The following SATB2 variants were observed in gnomAD, a reference collection of about 807,000 sequenced individuals.
SATB2 encodes the protein SATB homeobox 2.
Under a neutral mutation model 73.4 loss-of-function variants are expected in SATB2, and 1 was observed. The ratio of observed to expected loss-of-function variants is 0.01; its 90% confidence interval spans 0.00 to 0.06. SATB2 has a LOEUF of 0.06. Among genes scored for constraint, SATB2 ranks in the 10% least tolerant of loss-of-function variants. The probability of loss-of-function intolerance (pLI) is 1.00; values close to 1 mark genes in which losing one functional copy is unlikely to be tolerated. For missense variants in SATB2, 459 were observed against 945.8 expected, an observed-to-expected ratio of 0.49 and a Z score of 6.75; for synonymous variants, 397 against 367.0, an observed-to-expected ratio of 1.08 and a Z score of -0.93.
intron 6 of SATB2, among the ~76,000 whole-genome samples, chr2:199,366,435 T>C (rs550417788): frequency 1.3e-5 from 2 of 152,160 alleles, no homozygotes; most frequent in South Asian, 2.1e-4. Context: ...GTCCAACACT[T>C]CCCTTTTTCT....
intron 8 of SATB2, 58 bp from the exon 9 acceptor site, chr2:199,324,016 T>A: frequency 6.3e-7 from 1 of 1,590,170 alleles, no homozygotes; most frequent in Non-Finnish European, 8.6e-7. Context: ...CCCAGCCATC[T>A]GTGCAGAAAT....
At chr2:199,420,115 G>C (rs2105912794) in intron 3 of SATB2, among the ~76,000 whole-genome samples, 1 of 152,268 alleles carries the variant, frequency 6.6e-6, no homozygotes, top group East Asian at 1.9e-4. Context: ...TGAACATTTA[G>C]GTCCTGGCTC....
At chr2:199,453,881 C>T (rs1357821926) in intron 2 of SATB2, among the ~76,000 whole-genome samples, 1 of 151,844 alleles carries the variant, frequency 6.6e-6, no homozygotes, top group African/African-American at 2.4e-5. Flanking sequence ...GTATTATAAA[C>T]GATATGTATT....
intron 3 of SATB2, among the ~76,000 whole-genome samples, chr2:199,383,594 G>A (rs951822887): frequency 2.0e-5 from 3 of 152,066 alleles, no homozygotes; most frequent in Admixed American, 6.6e-5. Flanking sequence ...AGAATGGGGG[G>A]GAATGAAGTT....
At chr2:199,386,060 A>T (rs916165442) in intron 3 of SATB2, among the ~76,000 whole-genome samples, 6 of 152,226 alleles carry the variant, frequency 3.9e-5, no homozygotes, top group African/African-American at 1.4e-4. Context: ...TAGTGTACAC[A>T]TAACAACAAT....
chr2:199,418,377 G>A (rs182016901), intron 3 of SATB2, among the ~76,000 whole-genome samples: 92 of 152,250 alleles, frequency 6.0e-4, no homozygotes, highest in Admixed American at 1.1e-3. Context: ...TTAAGTGAGC[G>A]AAGTCATCGT....
intron 2 of SATB2, among the ~76,000 whole-genome samples, chr2:199,449,927 A>G (rs1009178220): frequency 6.6e-6 from 1 of 152,108 alleles, no homozygotes. Flanking sequence ...AAGAATAGAA[A>G]CTAAAAGGCA....
chr2:199,376,588 G>C (rs932696337), intron 5 of SATB2, among the ~76,000 whole-genome samples: 6 of 152,104 alleles, frequency 3.9e-5, no homozygotes, highest in African/African-American at 1.4e-4. Context: ...CCTGCTAAAA[G>C]GTTAAATTCC....
chr2:199,303,149 C>T (rs1414312731), intron 10 of SATB2, among the ~76,000 whole-genome samples: 1 of 152,194 alleles, frequency 6.6e-6, no homozygotes, highest in Non-Finnish European at 1.5e-5. Context: ...AAAAGTCAGA[C>T]TCTGAAGGTA....
At chr2:199,450,849 C>T (rs1692102812) in intron 2 of SATB2, among the ~76,000 whole-genome samples, 3 of 151,894 alleles carry the variant, frequency 2.0e-5, no homozygotes, top group African/African-American at 4.8e-5. Flanking sequence ...AACTGATTTC[C>T]GTATACTTAA....
At chr2:199,462,880 C>T (rs1326133766), upstream of SATB2, among the ~76,000 whole-genome samples, 1 of 147,772 alleles carries the variant, frequency 6.8e-6, no homozygotes, top group Non-Finnish European at 1.5e-5. The surrounding 1 kb of genome is among the most constrained non-coding windows in gnomAD (Gnocchi z 5.9). Context: ...TGGGGCCGAC[C>T]GTTCAGGAGC....
chr2:199,465,626 T>C (rs1160130750), upstream of SATB2, among the ~76,000 whole-genome samples: 1 of 152,238 alleles, frequency 6.6e-6, no homozygotes, highest in Admixed American at 6.5e-5. Flanking sequence ...AAATAACCCA[T>C]TTGTTAGTGT....
chr2:199,277,712 G>A (rs1270157152), intron 10 of SATB2, among the ~76,000 whole-genome samples: 2 of 152,064 alleles, frequency 1.3e-5, no homozygotes, highest in Admixed American at 1.3e-4. Flanking sequence ...AATAATAATA[G>A]TAGTAATAGG....
chr2:199,339,705 C>A (rs181082178), intron 7 of SATB2, among the ~76,000 whole-genome samples: 3 of 152,232 alleles, frequency 2.0e-5, no homozygotes. Context: ...TGAGACCAGA[C>A]GTAGGCTGAC....
At position 199,380,435 on chromosome 2, in the gene SATB2, G is replaced by A. The variant is rs1367792848; in HGVS notation, c.526C>T (p.Arg176Cys). ...PAEQWNHATV[R>C]NALKELLKEM... ...TTGAGCAGTTCCTTTAAGGCATTGC[G>A]GACTGTGGCATGGTTCCACTGCTCC... The change falls in exon 5 of 11, where the codon CGC becomes TGC. Residue 176 changes from arginine (R) to cysteine (C), a missense_variant. Physicochemically the swap from Arg to Cys is radical, Grantham distance 180 (BLOSUM62 -3). This residue lies in a region of SATB2 where 56 missense variants were observed against 183.7 expected (regional missense o/e 0.30). Transcript: ENST00000417098. 3 of 1,613,878 alleles carry A rather than the reference G, an allele frequency of 1.9e-6. No individual in the cohort carries two copies. The highest frequency in any genetic ancestry group is 1.7e-6 in the Non-Finnish European group (2 of 1,179,868).
At chr2:199,389,319 ACTCT>A (rs1220100470) in intron 3 of SATB2, among the ~76,000 whole-genome samples, 1 of 151,868 alleles carries the variant, frequency 6.6e-6, no homozygotes, top group Non-Finnish European at 1.5e-5. Flanking sequence ...GATTTTAAGG[ACTCT>A]CTCTATATAT....
chr2:199,326,059 G>A (rs1173185339), intron 8 of SATB2: 1 of 152,096 alleles, frequency 6.6e-6, no homozygotes, highest in African/African-American at 2.4e-5. Context: ...AGCTGCTTGT[G>A]TGCACTAAAT....
intron 9 of SATB2, among the ~76,000 whole-genome samples, chr2:199,315,444 T>C (rs1160664256): frequency 6.6e-6 from 1 of 151,936 alleles, no homozygotes; most frequent in Non-Finnish European, 1.5e-5. Context: ...AGATAAGAGT[T>C]TGAATCTTGG....
At chr2:199,427,897 A>G (rs1691384660) in intron 3 of SATB2, among the ~76,000 whole-genome samples, 1 of 152,184 alleles carries the variant, frequency 6.6e-6, no homozygotes, top group African/African-American at 2.4e-5. Flanking sequence ...TAGTACATTG[A>G]AAAATATATA....
Sources: allele counts gnomAD v4.1 joint callset (sites outside exome capture counted in the v4.1 genomes callset), GRCh38; gene constraint gnomAD v4.1.1; regional missense constraint gnomAD v4.1.1; non-coding constraint Gnocchi (gnomAD v3.1); transcripts MANE v1.5; gene names NCBI Gene and HGNC (gene_info 2026-07-23, HGNC 2026-07-21).